AGAP1: variants seen among roughly 807,000 people sequenced by gnomAD.
AGAP1 encodes the protein arf-GAP with GTPase, ANK repeat and PH domain-containing protein 1.
Under a neutral mutation model 105.3 loss-of-function variants are expected in AGAP1, and 29 were observed. That is an observed-to-expected ratio of 0.28 (90% CI 0.21 to 0.38). AGAP1 has a LOEUF of 0.38. Among genes scored for constraint, AGAP1 ranks in the 10% least tolerant of loss-of-function variants. AGAP1 has a pLI of 1.00. For synonymous variants in AGAP1, 509 were observed against 485.9 expected, an observed-to-expected ratio of 1.05 and a Z score of -0.63; for missense variants, 998 against 1,165.1, an observed-to-expected ratio of 0.86 and a Z score of 2.09.
intron 16 of AGAP1, among the ~76,000 whole-genome samples, chr2:236,060,914 T>G (rs1327909920): frequency 6.6e-6 from 1 of 151,424 alleles, no homozygotes; most frequent in Non-Finnish European, 1.5e-5. Context: ...CTTTTAAAAA[T>G]TAGCTGGGCA....
chr2:235,745,239 G>T (rs1037159409), intron 5 of AGAP1, among the ~76,000 whole-genome samples: 5 of 151,994 alleles, frequency 3.3e-5, no homozygotes, highest in Admixed American at 6.5e-5. Context: ...TTATCTTTCA[G>T]TGCACCTTGA....
chr2:235,932,408 A>G (rs2052767474), intron 12 of AGAP1, among the ~76,000 whole-genome samples: 1 of 152,256 alleles, frequency 6.6e-6, no homozygotes, highest in Admixed American at 6.5e-5. Flanking sequence ...CAGAGAGTTC[A>G]CATACTCGTT....
intron 1 of AGAP1, among the ~76,000 whole-genome samples, chr2:235,645,457 G>T (rs971553941): frequency 6.6e-6 from 1 of 152,172 alleles, no homozygotes; most frequent in Admixed American, 6.5e-5. Flanking sequence ...AATTCTCAAT[G>T]ACTAACCAAA....
intron 16 of AGAP1, among the ~76,000 whole-genome samples, chr2:236,108,201 G>A (rs755505632): frequency 6.6e-6 from 1 of 152,200 alleles, no homozygotes; most frequent in Non-Finnish European, 1.5e-5. Flanking sequence ...AGCTGTCAGC[G>A]CCCGCTCGCA....
At chr2:235,647,711 C>T (rs1158976074) in intron 1 of AGAP1, among the ~76,000 whole-genome samples, 1 of 152,070 alleles carries the variant, frequency 6.6e-6, no homozygotes, top group Non-Finnish European at 1.5e-5. Context: ...TTAATAGCCT[C>T]ACAAAGAAAT....
chr2:235,835,145 G>T (rs529186854), intron 9 of AGAP1, among the ~76,000 whole-genome samples: 1 of 152,136 alleles, frequency 6.6e-6, no homozygotes, highest in African/African-American at 2.4e-5. Context: ...TGTGTTCCCC[G>T]GGCATGCGTT....
intron 16 of AGAP1, among the ~76,000 whole-genome samples, chr2:236,093,768 T>TATTAAAATCTTGAAAA (rs2059123029): frequency 6.6e-6 from 1 of 151,934 alleles, no homozygotes; most frequent in African/African-American, 2.4e-5. Flanking sequence ...TAATCCCAAG[T>TATTAAAATCTTGAAAA]ATTGAAATCT....
Position 236,044,167 on chromosome 2 carries a change from C to T in AGAP1, c.1891+3326C>T, listed in dbSNP as rs1303453979. On this transcript the variant is annotated intron_variant, in intron 15 of 17. Coordinates refer to ENST00000304032, the MANE Select transcript of AGAP1 (RefSeq NM_001037131.3). This position sits in a 1 kb window ranked among gnomAD's most constrained non-coding sequence, Gnocchi z 5.7. ...ACGTCCGACTCCCAGGAAGTTGCAG[C>T]CTTCGGACACCTGTGCTTCCGGGGA... 1.3e-5 allele frequency among the ~76,000 whole-genome samples: 2 copies of T among 152,150 alleles called. No homozygotes were observed. Among genetic ancestry groups the T allele is most frequent in the Non-Finnish European group, 2.9e-5 (2 of 68,024 alleles).
At chr2:235,695,244 T>A (rs1949942014) in intron 1 of AGAP1, among the ~76,000 whole-genome samples, 1 of 152,324 alleles carries the variant, frequency 6.6e-6, no homozygotes, top group Admixed American at 6.5e-5. Flanking sequence ...CACTCCATAA[T>A]AGCTCTTAGA....
chr2:235,597,600 G>T (rs937744684), intron 1 of AGAP1, among the ~76,000 whole-genome samples: 2 of 152,190 alleles, frequency 1.3e-5, no homozygotes. Flanking sequence ...ATTATTTTAG[G>T]GTTACCCAAA....
chr2:236,056,375 G>A lies in AGAP1; in HGVS notation c.2114+7094G>A, dbSNP rs979819219. 6.6e-6 allele frequency among the ~76,000 whole-genome samples: 1 copy of A among 152,104 alleles called. No individual in the cohort carries two copies. On this transcript the variant is annotated intron_variant, in intron 16 of 17. Coordinates refer to ENST00000304032, the MANE Select transcript of AGAP1 (RefSeq NM_001037131.3). This position sits in a 1 kb window ranked among gnomAD's most constrained non-coding sequence, Gnocchi z 4.6. ...CCTTATCATTTACGTTCTGAAATAC[G>A]GCCGTCGTGACAATTAAGGAGTTTC...
chr2:235,727,638 T>G (rs1951713140), intron 3 of AGAP1, among the ~76,000 whole-genome samples: 1 of 152,172 alleles, frequency 6.6e-6, no homozygotes, highest in Non-Finnish European at 1.5e-5. Flanking sequence ...AAAATAATGT[T>G]TTTACATCCT....
chr2:235,656,201 A>G (rs1947765368), intron 1 of AGAP1, among the ~76,000 whole-genome samples: 1 of 152,166 alleles, frequency 6.6e-6, no homozygotes, highest in African/African-American at 2.4e-5. Flanking sequence ...TTGTACCTTG[A>G]TGGAGACAGA....
intron 1 of AGAP1, among the ~76,000 whole-genome samples, chr2:235,629,714 T>TAAA (rs71064865): frequency 7.1e-6 from 1 of 140,780 alleles, no homozygotes; most frequent in African/African-American, 2.6e-5. Context: ...ACAATAAATG[T>TAAA]AAAAAAAAAA....
At chr2:235,603,127 G>T (rs1458818923) in intron 1 of AGAP1, among the ~76,000 whole-genome samples, 1 of 152,140 alleles carries the variant, frequency 6.6e-6, no homozygotes, top group East Asian at 1.9e-4. Context: ...GAATCATGAG[G>T]GTGGTTTCCC....
intron 13 of AGAP1, among the ~76,000 whole-genome samples, chr2:236,017,993 A>T (rs1473280793): frequency 6.6e-6 from 1 of 152,060 alleles, no homozygotes; most frequent in African/African-American, 2.4e-5. Context: ...GGATAAAAAC[A>T]AACAAAACTT....
At position 235,867,574 on chromosome 2, in the gene AGAP1, TGCAA is replaced by T. The variant is rs2049238368; in HGVS notation, c.1051-15769_1051-15766del. 2.0e-5 allele frequency among the ~76,000 whole-genome samples: 3 copies of T among 147,690 alleles called. No homozygotes were observed. The highest frequency in any genetic ancestry group is 4.3e-4 in the South Asian group (2 of 4,634). ...GTGTGTGTGTGTGTGTGTGTGTGTG[TGCAA>T]GTGAGGGAGGGTGACCCCCACACCA... On this transcript the variant is annotated intron_variant, in intron 9 of 17. Transcript: ENST00000304032. This position sits in a 1 kb window ranked among gnomAD's most constrained non-coding sequence, Gnocchi z 5.4.
At position 236,061,154 on chromosome 2, in the gene AGAP1, A is replaced by C. The variant is rs2058183969; in HGVS notation, c.2114+11873A>C. Among the ~76,000 whole-genome samples the C allele has an allele frequency of 6.6e-6, 1 of 152,210 alleles. No homozygotes were observed. Among genetic ancestry groups the C allele is most frequent in the Non-Finnish European group, 1.5e-5 (1 of 68,044 alleles). ...AAAAATGGCCAGTAAATACATGAAAAGATGCCTAATGTCATTACTTTTTAG... is the reference window on the plus strand; with the variant it reads ...AAAAATGGCCAGTAAATACATGAAACGATGCCTAATGTCATTACTTTTTAG... On this transcript the variant is annotated intron_variant, in intron 16 of 17. Coordinates refer to ENST00000304032, the MANE Select transcript of AGAP1 (RefSeq NM_001037131.3). This position sits in a 1 kb window ranked among gnomAD's most constrained non-coding sequence, Gnocchi z 4.1.
chr2:235,543,938 A>AT (rs992517157), intron 1 of AGAP1, among the ~76,000 whole-genome samples: 1 of 152,068 alleles, frequency 6.6e-6, no homozygotes, highest in Non-Finnish European at 1.5e-5. Context: ...CTTGCGGCAG[A>AT]TAGGAAGAGT....
Sources: gnomAD v4.1 joint callset for allele counts (sites outside exome capture counted in the v4.1 genomes callset) on GRCh38, gnomAD v4.1.1 for gene constraint, Gnocchi (gnomAD v3.1) non-coding constraint, MANE v1.5 for transcripts, NCBI Gene and HGNC (gene_info 2026-07-23, HGNC 2026-07-21) for gene names.